Variants in GABRG1 observed in about 807,000 individuals in gnomAD.
GABRG1 encodes gamma-aminobutyric acid receptor subunit gamma-1.
A neutral mutation model predicts 49.8 loss-of-function variants in GABRG1; 49 were observed. The observed-to-expected ratio is 0.98, with a 90% CI of 0.78 to 1.25. GABRG1 has a LOEUF of 1.25. Ranked by LOEUF, GABRG1 falls within the 50% of genes most tolerant of loss-of-function variation. GABRG1 has a pLI of 0.00. For synonymous variants in GABRG1, 232 were observed against 185.1 expected (o/e 1.25, Z -2.06); for missense variants, 552 against 552.3 (o/e 1.00, Z 0.01).
chr4:46,076,349 C>A (rs1251133390), intron 3 of GABRG1, among the ~76,000 whole-genome samples: 2 of 107,978 alleles, frequency 1.9e-5, no homozygotes, highest in African/African-American at 3.6e-5. Context: ...CTAAATTTAT[C>A]TTAGGTCATG....
At chr4:46,080,769 C>T (rs922315296) in intron 3 of GABRG1, among the ~76,000 whole-genome samples, 29 of 151,792 alleles carry the variant, frequency 1.9e-4, no homozygotes, top group Non-Finnish European at 2.9e-4. Flanking sequence ...AAACCCCAAA[C>T]GAAAAATATA....
Position 46,041,184 on chromosome 4 carries a change from T to C in GABRG1, c.1202A>G (p.Asp401Gly). Residue 401 changes from aspartate to glycine, a missense_variant, in exon 9 of 9, where the codon GAT becomes GGT. By Grantham distance (94) the Asp-to-Gly change is moderately conservative. Transcript: ENST00000295452. ...MNNISVPQED[D>G]YGYQCLEGKD... is the part of the protein sequence containing the mutation. ...GCCCTCCAAACACTGATACCCATAA[T>C]CATCTTCTTGCGGCACAGAAATATT... 2.5e-6 allele frequency: 4 copies of C among 1,612,970 alleles called. No homozygotes were observed. The South Asian group carries it at 3.3e-5, about 13-fold the overall frequency.
intron 1 of GABRG1, among the ~76,000 whole-genome samples, chr4:46,111,240 C>T (rs1042892037): frequency 6.6e-6 from 1 of 150,868 alleles, no homozygotes. Flanking sequence ...AATGTAATCC[C>T]ATTTACAATA....
Position 46,035,914 on chromosome 4 carries a change from A to C in GABRG1, c.*5074T>G, listed in dbSNP as rs1345669488. ...CTCAAAACAATGAGGCAGTAGCAGA[A>C]TAACAGAAGCCATTATAATCACAAG... On this transcript the variant is annotated 3_prime_UTR_variant, in exon 9 of 9. Coordinates refer to ENST00000295452, the MANE Select transcript of GABRG1 (RefSeq NM_173536.4). 2.0e-5 allele frequency: 3 copies of C among 152,016 alleles called. No homozygotes were observed. The highest frequency in any genetic ancestry group is 2.9e-5 in the Non-Finnish European group (2 of 67,910). 9.4% of individuals were successfully genotyped at this position (152,016 alleles called of 1,614,324 possible).
Position 46,039,576 on chromosome 4 carries a change from A to G in GABRG1, c.*1412T>C, listed in dbSNP as rs1349850280. The G allele has an allele frequency of 6.6e-6, 1 of 151,690 alleles. No individual in the cohort carries two copies. Among genetic ancestry groups the G allele is most frequent in the Non-Finnish European group, 1.5e-5 (1 of 67,774 alleles). The allele number at this position is 151,690 out of a possible 1,614,324, so 9.4% of individuals were successfully genotyped here. ...GTCATTGGTCTTGGCAACAGAAACA[A>G]TCTTTAAAGGTTATTTCCAAGCTAA... On this transcript the variant is annotated 3_prime_UTR_variant, in exon 9 of 9. Transcript: ENST00000295452.
chr4:46,098,850 G>A (rs1720278917), intron 1 of GABRG1, among the ~76,000 whole-genome samples: 1 of 151,680 alleles, frequency 6.6e-6, no homozygotes, highest in East Asian at 2.0e-4. Context: ...TACAATGGTT[G>A]GGGGGTTGGG....
At chr4:46,103,268 C>T (rs1032247966) in intron 1 of GABRG1, among the ~76,000 whole-genome samples, 4 of 134,268 alleles carry the variant, frequency 3.0e-5, no homozygotes, top group African/African-American at 1.1e-4. Flanking sequence ...AACATAATTG[C>T]AAGTGAAATT....
At chr4:46,067,761 A>G (rs1428805110) in intron 3 of GABRG1, among the ~76,000 whole-genome samples, 1 of 152,178 alleles carries the variant, frequency 6.6e-6, no homozygotes, top group Admixed American at 6.5e-5. Flanking sequence ...GCTGAGTCAT[A>G]AGGCAAACCG....
chr4:46,109,280 G>A (rs1212158524), intron 1 of GABRG1, among the ~76,000 whole-genome samples: 2 of 150,632 alleles, frequency 1.3e-5, no homozygotes, highest in Non-Finnish European at 3.0e-5. Flanking sequence ...TTATGCATTT[G>A]CTCCAGATTT....
At chr4:46,053,698 T>G (rs1718328500) in intron 7 of GABRG1, among the ~76,000 whole-genome samples, 1 of 152,154 alleles carries the variant, frequency 6.6e-6, no homozygotes, top group East Asian at 1.9e-4. Flanking sequence ...TTTCATTTTG[T>G]TATCCACTAC....
At chr4:46,095,605 C>T (rs935464873) in intron 2 of GABRG1, among the ~76,000 whole-genome samples, 1 of 151,642 alleles carries the variant, frequency 6.6e-6, no homozygotes, top group Non-Finnish European at 1.5e-5. Context: ...AAATAACACA[C>T]AAAGCAAGTT....
Position 46,064,455 on chromosome 4 carries a change from A to G in GABRG1, c.611T>C (p.Leu204Pro). The G allele has an allele frequency of 6.6e-7, 1 of 1,523,564 alleles. No homozygotes were observed. Among genetic ancestry groups the G allele is most frequent in the Non-Finnish European group, 8.8e-7 (1 of 1,134,598 alleles). The allele number at this position is 1,523,564 out of a possible 1,614,324, so 94.4% of individuals were successfully genotyped here. A position where few individuals can be genotyped will look rare whatever the true frequency, so the allele number is the denominator to read the frequency against. Reference protein sequence around the residue: ...NFPMDEHSCPLEFSSYGYPKN... With the variant: ...NFPMDEHSCPPEFSSYGYPKN... Reference sequence around the variant, plus strand: ...TTGTTACTTACAGCTTGAAAATTCCAGTGGACAGGAATGTTCATCCATGGG... The same window carrying G: ...TTGTTACTTACAGCTTGAAAATTCCGGTGGACAGGAATGTTCATCCATGGG... The change falls in exon 5 of 9, where the codon CTG becomes CCG. Residue 204 changes from leucine (L) to proline (P), a missense_variant. Coordinates refer to ENST00000295452, the MANE Select transcript of GABRG1 (RefSeq NM_173536.4).
chr4:46,066,405 C>T (rs534817995), intron 3 of GABRG1, among the ~76,000 whole-genome samples: 4 of 152,274 alleles, frequency 2.6e-5, no homozygotes, highest in Non-Finnish European at 5.9e-5. Context: ...ATGTTAAGAG[C>T]TTTGCATGTT....
At chr4:46,088,815 T>TGTGTGTGTGTGTGTG (rs35197192) in intron 2 of GABRG1, among the ~76,000 whole-genome samples, 22 of 131,686 alleles carry the variant, frequency 1.7e-4, no homozygotes, top group African/African-American at 6.1e-4. Context: ...TTGTGTGTGT[T>TGTGTGTGTGTGTGTG]TGTGTGTGTG....
intron 8 of GABRG1, among the ~76,000 whole-genome samples, chr4:46,042,536 T>C (rs1000002138): frequency 2.2e-4 from 34 of 152,120 alleles, no homozygotes; most frequent in African/African-American, 7.5e-4. Context: ...AGCTCTTACA[T>C]CTTTTCCCAT....
intron 8 of GABRG1, among the ~76,000 whole-genome samples, chr4:46,045,281 G>T (rs1264707230): frequency 6.6e-6 from 1 of 151,910 alleles, no homozygotes; most frequent in Non-Finnish European, 1.5e-5. Context: ...AATTCATAAA[G>T]TTATTGTAAA....
At chr4:46,051,925 T>G (rs956812633) in intron 7 of GABRG1, among the ~76,000 whole-genome samples, 3 of 151,796 alleles carry the variant, frequency 2.0e-5, no homozygotes, top group Non-Finnish European at 4.4e-5. Context: ...AGCTGGCATA[T>G]GACTGCCCAG....
chr4:46,110,258 T>C (rs1720673908), intron 1 of GABRG1, among the ~76,000 whole-genome samples: 1 of 151,052 alleles, frequency 6.6e-6, no homozygotes, highest in Non-Finnish European at 1.5e-5. Context: ...CCCTTTATAA[T>C]TATGCAATGC....
intron 1 of GABRG1, among the ~76,000 whole-genome samples, chr4:46,118,737 T>G (rs947887482): frequency 6.6e-6 from 1 of 151,188 alleles, no homozygotes; most frequent in Non-Finnish European, 1.5e-5. Flanking sequence ...CTAAGGCTAT[T>G]TCTTGAAACA....
Sources: gnomAD v4.1 joint callset for allele counts (sites outside exome capture counted in the v4.1 genomes callset) on GRCh38, gnomAD v4.1.1 for gene constraint, MANE v1.5 for transcripts, NCBI Gene and HGNC (gene_info 2026-07-23, HGNC 2026-07-21) for gene names.